The following LRRCC1 variants were observed in gnomAD, a reference collection of about 807,000 sequenced individuals.
LRRCC1 encodes the protein leucine rich repeat and coiled-coil centrosomal protein 1.
A neutral mutation model predicts 126.0 loss-of-function variants in LRRCC1; 115 were observed. The observed-to-expected ratio is 0.91, with a 90% CI of 0.78 to 1.07. The LOEUF (loss-of-function observed/expected upper bound fraction) is 1.07, where lower values mean the gene tolerates loss of function less well. LRRCC1 is among the 50% of genes least tolerant of loss of function. LRRCC1 has a pLI of 0.00. For synonymous variants in LRRCC1, 400 were observed against 393.4 expected (o/e 1.02, Z -0.20); for missense variants, 1,172 against 1,175.7 (o/e 1.00, Z 0.05).
At chr8:85,128,020 A>G (rs1454660694) in intron 9 of LRRCC1, among the ~76,000 whole-genome samples, 1 of 152,222 alleles carries the variant, frequency 6.6e-6, no homozygotes, top group Non-Finnish European at 1.5e-5. Flanking sequence ...TGACTGAGTC[A>G]TGGACAGATA....
chr8:85,130,165 T>C, intron 11 of LRRCC1, 107 bp downstream of exon 11: 1 of 824,812 alleles, frequency 1.2e-6, no homozygotes, highest in Non-Finnish European at 1.7e-6. Context: ...AGACGGAGTC[T>C]TGCTCTGTCG....
At chr8:85,139,936 G>C (rs1811149054) in intron 17 of LRRCC1, among the ~76,000 whole-genome samples, 2 of 152,178 alleles carry the variant, frequency 1.3e-5, no homozygotes, top group South Asian at 2.1e-4. Flanking sequence ...GTTGTTTTCT[G>C]TTGATAGATT....
chr8:85,113,079 A>G lies in LRRCC1; in HGVS notation c.524A>G (p.Asn175Ser). 5 of 1,610,336 alleles carry G rather than the reference A, an allele frequency of 3.1e-6. No individual in the cohort carries two copies. The highest frequency in any genetic ancestry group is 4.2e-6 in the Non-Finnish European group (5 of 1,178,736). Residue 175 changes from asparagine (N) to serine (S), a missense_variant, in exon 4 of 19, where the codon AAT becomes AGT. Physicochemically the swap from Asn to Ser is conservative, Grantham distance 46. Transcript: ENST00000360375. The part of the protein sequence containing the change: ...NLILEKDGDD[N>S]PVCRLPGYRA... ...ATTTTGGAGAAAGATGGAGACGATA[A>G]TCCTGTCTGTCGACTGCCAGGTATG...
chr8:85,141,668 G>A, intron 18 of LRRCC1, 151 bp downstream of exon 18: 11 of 568,986 alleles, frequency 1.9e-5, no homozygotes, highest in South Asian at 6.4e-5. Context: ...CTAAAACCAG[G>A]GTAAAACGTT....
chr8:85,138,255 T>C lies in LRRCC1; in HGVS notation c.2702+12T>C, dbSNP rs1305019677. 1.9e-6 allele frequency: 3 copies of C among 1,583,074 alleles called. No individual in the cohort carries two copies. The highest frequency in any genetic ancestry group is 8.6e-7 in the Non-Finnish European group (1 of 1,164,858). On this transcript the variant is annotated intron_variant, in intron 16 of 18. Coordinates refer to ENST00000360375, the MANE Select transcript of LRRCC1 (RefSeq NM_033402.5). ...AGAAAAGCTTACAGGTATTATATAG[T>C]ACAGTATTTCCCACTGAGAAATAAA...
intron 1 of LRRCC1, among the ~76,000 whole-genome samples, chr8:85,108,019 G>T (rs1299879884): frequency 1.3e-5 from 2 of 152,182 alleles, no homozygotes; most frequent in Admixed American, 1.3e-4. Context: ...GAGGCACTTG[G>T]TTCTGTAATA....
chr8:85,115,400 C>T lies in LRRCC1; in HGVS notation c.746C>T (p.Thr249Ile). The change falls in exon 6 of 19, where the codon ACA (threonine) becomes ATA (isoleucine). Residue 249 changes from threonine (T) to isoleucine (I), a missense_variant. By Grantham distance (89) the Thr-to-Ile change is moderately conservative. Coordinates refer to ENST00000360375, the MANE Select transcript of LRRCC1 (RefSeq NM_033402.5). ...ATCATTGATAGAATGCCAGTGATAA[C>T]AGCACCTATCGATGAGTTAGTTCCC... ...DEIIDRMPVITAPIDELVPLE... is the reference protein window; with the variant it reads ...DEIIDRMPVIIAPIDELVPLE... 6.2e-7 allele frequency: 1 copy of T among 1,613,182 alleles called. No homozygotes were observed. The highest frequency in any genetic ancestry group is 8.5e-7 in the Non-Finnish European group (1 of 1,179,290).
intron 18 of LRRCC1, among the ~76,000 whole-genome samples, chr8:85,144,474 A>AT (rs56095819): frequency 8.5e-5 from 4 of 46,880 alleles, no homozygotes; most frequent in East Asian, 3.5e-4. Flanking sequence ...ATATATATAT[A>AT]TTTTTTTTTT....
In LRRCC1 at chr8:85,141,390, T is replaced by G. The variant is rs1811240510; in HGVS notation, c.2849T>G (p.Met950Arg). ...DKSIELQKNA[M>R]EKLHSMDDAF... The stretch of plus-strand genomic sequence containing the variant: ...GTTCTTGTTTTTTTAAGGAATGCAA[T>G]GGAAAAACTTCATAGTATGGATGAT... The change falls in exon 18 of 19, where the codon ATG (methionine) becomes AGG (arginine). Residue 950 changes from methionine (M) to arginine (R), a missense_variant. Met to Arg is a moderately conservative substitution (Grantham distance 91). Coordinates refer to ENST00000360375, the MANE Select transcript of LRRCC1 (RefSeq NM_033402.5). The G allele has an allele frequency of 6.2e-7, 1 of 1,611,430 alleles. No homozygotes were observed. The highest frequency in any genetic ancestry group is 1.1e-5 in the South Asian group (1 of 90,666).
intron 8 of LRRCC1, 74 bp from the exon 9 acceptor site, chr8:85,126,615 T>C: frequency 1.5e-6 from 2 of 1,311,842 alleles, no homozygotes; most frequent in South Asian, 1.3e-5. Flanking sequence ...TCCCCTGTTA[T>C]AAATGGGAAA....
intron 2 of LRRCC1, 91 bp downstream of exon 2, chr8:85,109,891 C>G: frequency 1.4e-6 from 1 of 699,688 alleles, no homozygotes; most frequent in Non-Finnish European, 2.3e-6. Context: ...ATATCAGAAA[C>G]TCTTAAAAAT....
intron 14 of LRRCC1, 33 bp downstream of exon 14, chr8:85,135,996 C>T: frequency 6.8e-7 from 1 of 1,476,880 alleles, no homozygotes; most frequent in Non-Finnish European, 9.0e-7. Context: ...GGGAAAATAG[C>T]TTATTCTTAT....
intron 17 of LRRCC1, among the ~76,000 whole-genome samples, chr8:85,139,112 G>A (rs948734892): frequency 6.6e-6 from 1 of 152,126 alleles, no homozygotes; most frequent in African/African-American, 2.4e-5. Context: ...ATTTTAAACT[G>A]TGTTTGAATG....
At chr8:85,114,521 C>G (rs1201086529) in intron 4 of LRRCC1, among the ~76,000 whole-genome samples, 1 of 151,960 alleles carries the variant, frequency 6.6e-6, no homozygotes, top group Non-Finnish European at 1.5e-5. Context: ...TCCTGTTAGC[C>G]TTAGTACCAA....
chr8:85,128,910 T>C (rs1227424702), intron 9 of LRRCC1, among the ~76,000 whole-genome samples: 4 of 152,186 alleles, frequency 2.6e-5, no homozygotes, highest in Non-Finnish European at 4.4e-5. Context: ...TAAAAGATGT[T>C]GAACTATCTC....
At chr8:85,139,095 G>A (rs1021589178) in intron 17 of LRRCC1, among the ~76,000 whole-genome samples, 1 of 152,026 alleles carries the variant, frequency 6.6e-6, no homozygotes, top group Non-Finnish European at 1.5e-5. Context: ...TTTTTATTAC[G>A]ATGAGCATTT....
intron 12 of LRRCC1, 72 bp from the exon 13 acceptor site, chr8:85,134,775 T>C (rs920553774): frequency 3.2e-6 from 3 of 939,048 alleles, no homozygotes; most frequent in South Asian, 1.8e-5. Flanking sequence ...AAAACTGTGA[T>C]ACTATTTCCA....
chr8:85,114,266 G>T, intron 4 of LRRCC1, among the ~76,000 whole-genome samples: 1 of 151,034 alleles, frequency 6.6e-6, no homozygotes. Context: ...AAGAACCTCT[G>T]GTTTCTACAA....
intron 6 of LRRCC1, among the ~76,000 whole-genome samples, chr8:85,118,433 G>C (rs1194373736): frequency 1.3e-5 from 2 of 151,978 alleles, no homozygotes; most frequent in African/African-American, 4.8e-5. Context: ...GATGTATGTT[G>C]AGTTTTATAA....
Sources: gnomAD v4.1 joint callset for allele counts (sites outside exome capture counted in the v4.1 genomes callset) on GRCh38, gnomAD v4.1.1 for gene constraint, MANE v1.5 for transcripts, NCBI Gene and HGNC (gene_info 2026-07-23, HGNC 2026-07-21) for gene names.